ZBTB34: variants seen among roughly 807,000 people sequenced by gnomAD.
ZBTB34 encodes the protein zinc finger and BTB domain containing 34.
ZBTB34 carries 1 observed loss-of-function variant against 33.4 expected under a neutral mutation model. The ratio of observed to expected loss-of-function variants is 0.03; its 90% CI spans 0.01 to 0.14. The LOEUF (loss-of-function observed/expected upper bound fraction) is 0.14. ZBTB34 is among the 10% of genes least tolerant of loss of function. The pLI, the probability that ZBTB34 is intolerant of heterozygous loss-of-function variation, is 1.00. For missense variants in ZBTB34, 406 were observed against 657.2 expected (o/e 0.62, Z 4.18); for synonymous variants, 283 against 253.5 (o/e 1.12, Z -1.11).
chr9:126,885,648 A>G (rs1230710871), exon 2 of ZBTB34: 1 of 167,114 alleles, frequency 6.0e-6, no homozygotes, highest in African/African-American at 2.4e-5. Context: ...CGGATGCTGT[A>G]TCAACTAGTA....
chr9:126,868,926 A>T (rs1474184775), intron 1 of ZBTB34, among the ~76,000 whole-genome samples: 1 of 152,070 alleles, frequency 6.6e-6, no homozygotes, highest in Non-Finnish European at 1.5e-5. Context: ...GGAAAGGGGG[A>T]TCAAAGCTGT....
chr9:126,864,457 A>G (rs556119443), intron 1 of ZBTB34, among the ~76,000 whole-genome samples: 24 of 152,346 alleles, frequency 1.6e-4, no homozygotes, highest in African/African-American at 5.8e-4. Context: ...CTAAAAGACA[A>G]ATCGCACCCT....
At chr9:126,878,789 T>C (rs1298059657) in intron 1 of ZBTB34, among the ~76,000 whole-genome samples, 1 of 151,524 alleles carries the variant, frequency 6.6e-6, no homozygotes, top group East Asian at 1.9e-4. Flanking sequence ...AGTGGTGTGC[T>C]CTCGGCTCAC....
chr9:126,872,129 T>A (rs1273303986), intron 1 of ZBTB34, among the ~76,000 whole-genome samples: 6 of 152,034 alleles, frequency 3.9e-5, no homozygotes, highest in African/African-American at 1.4e-4. Flanking sequence ...TTTTGTATTT[T>A]CAGTAGAGAC....
chr9:126,876,164 T>C (rs1409927777), intron 1 of ZBTB34, among the ~76,000 whole-genome samples: 1 of 566 alleles, frequency 1.8e-3, no homozygotes, highest in Non-Finnish European at 3.9e-3. Flanking sequence ...CCTTCCGTCC[T>C]TCCCCCCTTC....
At chr9:126,864,390 C>T (rs1250268388) in intron 1 of ZBTB34, among the ~76,000 whole-genome samples, 2 of 152,094 alleles carry the variant, frequency 1.3e-5, no homozygotes, top group Admixed American at 1.3e-4. Context: ...ATTAAAGAGG[C>T]CATTCCTCTC....
intron 1 of ZBTB34, among the ~76,000 whole-genome samples, chr9:126,876,159 C>A (rs74501323): frequency 1.6e-5 from 1 of 64,144 alleles, no homozygotes; most frequent in Admixed American, 1.7e-4. Context: ...TTTTCCCTTC[C>A]GTCCTTCCCC....
At chr9:126,877,617 G>C (rs974423734) in intron 1 of ZBTB34, among the ~76,000 whole-genome samples, 17 of 152,212 alleles carry the variant, frequency 1.1e-4, no homozygotes, top group African/African-American at 4.1e-4. Context: ...ACCTGTTGTA[G>C]GTGTGCCGCA....
intron 1 of ZBTB34, among the ~76,000 whole-genome samples, chr9:126,875,972 A>G (rs2033350848): frequency 6.6e-6 from 1 of 151,832 alleles, no homozygotes; most frequent in South Asian, 2.1e-4. Context: ...CCACCATTAA[A>G]TGAGTTTGCA....
intron 1 of ZBTB34, among the ~76,000 whole-genome samples, chr9:126,876,527 T>C (rs2119226550): frequency 6.6e-6 from 1 of 152,168 alleles, no homozygotes; most frequent in East Asian, 1.9e-4. Context: ...GCAGCTGTTC[T>C]TGGTCATAAT....
Position 126,867,500 on chromosome 9 carries a change from G to T in ZBTB34, c.-11+6761G>T, listed in dbSNP as rs568148150. On this transcript the variant is annotated intron_variant, in intron 1 of 1. Transcript: ENST00000319119. ...ATCCTTTGCCCATTCTCCCATAGGG[G>T]TTTTTTTTGTGTATGTCACCTAATT... Among the ~76,000 whole-genome samples, 73 of 147,492 alleles carry T rather than the reference G, an allele frequency of 4.9e-4. 1 individual carries two copies. The South Asian group carries it at 9.4e-3, about 19-fold the overall frequency.
chr9:126,872,202 C>T (rs1479274874), intron 1 of ZBTB34, among the ~76,000 whole-genome samples: 3 of 152,258 alleles, frequency 2.0e-5, no homozygotes, highest in South Asian at 2.1e-4. Flanking sequence ...CCACCCGCCT[C>T]GGCCTCCCAA....
At chr9:126,877,472 C>T (rs1588390652) in intron 1 of ZBTB34, among the ~76,000 whole-genome samples, 1 of 152,050 alleles carries the variant, frequency 6.6e-6, no homozygotes, top group East Asian at 1.9e-4. Context: ...GTTTACATTT[C>T]TGTTGGTCAG....
At chr9:126,871,983 C>T (rs183020554) in intron 1 of ZBTB34, among the ~76,000 whole-genome samples, 2 of 149,534 alleles carry the variant, frequency 1.3e-5, no homozygotes, top group Admixed American at 6.7e-5. Flanking sequence ...AATGGAGATT[C>T]GCTCTTGTTG....
chr9:126,879,892 G>A lies in ZBTB34; in HGVS notation c.493G>A (p.Val165Met), dbSNP rs375120403. 6.2e-7 allele frequency: 1 copy of A among 1,612,924 alleles called. No individual in the cohort carries two copies. The highest frequency in any genetic ancestry group is 8.5e-7 in the Non-Finnish European group (1 of 1,179,904). Residue 165 changes from valine to methionine, a missense_variant, in exon 2 of 2, where the codon GTG becomes ATG. Coordinates refer to ENST00000319119, the Ensembl canonical transcript of ZBTB34. The surrounding 1 kb of genome is among the most constrained non-coding windows in gnomAD (Gnocchi z 6.4). ...AGACAGCAGCTTCTTTGCCAACCCA[G>A]TGGAGATCTCTCCTCCATATTGCTC...
chr9:126,862,913 G>T (rs1588382731), intron 1 of ZBTB34, among the ~76,000 whole-genome samples: 1 of 34,992 alleles, frequency 2.9e-5, no homozygotes, highest in Non-Finnish European at 5.9e-5. Context: ...TTTGTAATTT[G>T]CCTTTTTTTT....
chr9:126,881,472 A>G (rs550340954), exon 2 of ZBTB34: 2 of 166,626 alleles, frequency 1.2e-5, no homozygotes, highest in East Asian at 1.9e-4. Context: ...ATTTAATACA[A>G]TGTGAACAGG....
intron 1 of ZBTB34, among the ~76,000 whole-genome samples, chr9:126,867,126 C>CT (rs201393295): frequency 0.18 from 22,662 of 128,476 alleles, 1,986 homozygotes; most frequent in Middle Eastern, 0.24. Flanking sequence ...TTGGGGGTTC[C>CT]TTTTTTTTTT....
exon 2 of ZBTB34, chr9:126,885,246 C>G (rs1045239151): frequency 1.2e-5 from 2 of 167,088 alleles, no homozygotes; most frequent in African/African-American, 4.8e-5. Context: ...CTTCCTGAGT[C>G]TGGCACAGAC....
Sources: gnomAD v4.1 joint callset for allele counts (sites outside exome capture counted in the v4.1 genomes callset) on GRCh38, gnomAD v4.1.1 for gene constraint, Gnocchi (gnomAD v3.1) non-coding constraint, MANE v1.5 for transcripts, NCBI Gene and HGNC (gene_info 2026-07-23, HGNC 2026-07-21) for gene names.